The following RPRD1A variants were observed in gnomAD, a reference collection of about 807,000 sequenced individuals.
RPRD1A encodes the protein regulation of nuclear pre-mRNA domain-containing protein 1A.
Under a neutral mutation model 37.8 loss-of-function variants are expected in RPRD1A, and 9 were observed. The ratio of observed to expected loss-of-function variants is 0.24; its 90% CI spans 0.14 to 0.42. RPRD1A has a LOEUF of 0.42. Among genes scored for constraint, RPRD1A ranks in the 10% least tolerant of loss-of-function variants. RPRD1A has a pLI of 1.00. For synonymous variants in RPRD1A, 138 were observed against 139.7 expected (o/e 0.99, Z 0.08); for missense variants, 255 against 371.0 (o/e 0.69, Z 2.57).
At chr18:36,008,573 G>GTATATATA (rs1339247337) in intron 6 of RPRD1A, among the ~76,000 whole-genome samples, 3 of 36,632 alleles carry the variant, frequency 8.2e-5, no homozygotes, top group African/African-American at 3.7e-4. Context: ...AAGACCTTGT[G>GTATATATA]TGTGTATATA....
chr18:36,014,676 G>A (rs1242776268), intron 6 of RPRD1A, among the ~76,000 whole-genome samples: 1 of 152,182 alleles, frequency 6.6e-6, no homozygotes, highest in Non-Finnish European at 1.5e-5. Context: ...CTGGGAGGCA[G>A]AGCTTGCAGT....
intron 4 of RPRD1A, among the ~76,000 whole-genome samples, chr18:36,030,569 T>C (rs1911704080): frequency 2.0e-5 from 3 of 151,834 alleles, no homozygotes; most frequent in South Asian, 4.1e-4. Context: ...CTAACCATAT[T>C]TGGCAATTAA....
chr18:36,062,447 G>C (rs551336222), intron 1 of RPRD1A, among the ~76,000 whole-genome samples: 55 of 146,150 alleles, frequency 3.8e-4, no homozygotes, highest in African/African-American at 1.4e-3. Context: ...AAGTATCCAA[G>C]ATGAAAACAT....
chr18:36,008,566 AC>A (rs1909913036), intron 6 of RPRD1A, among the ~76,000 whole-genome samples: 6 of 2,588 alleles, frequency 2.3e-3, no homozygotes, highest in Non-Finnish European at 8.5e-3. Flanking sequence ...ACACAGCAAG[AC>A]CTTGTGTGTG....
chr18:36,002,679 T>TA (rs1420716312), intron 6 of RPRD1A, among the ~76,000 whole-genome samples: 2 of 152,250 alleles, frequency 1.3e-5, no homozygotes, highest in Non-Finnish European at 2.9e-5. Context: ...TTTAAATTCT[T>TA]AGTCTCATCA....
At chr18:36,026,171 C>A (rs1472864001) in intron 6 of RPRD1A, 2 of 152,428 alleles carry the variant, frequency 1.3e-5, no homozygotes, top group East Asian at 3.8e-4. Flanking sequence ...AGTGAGCTTT[C>A]TGTAAATAAA....
chr18:36,007,724 G>C (rs1337056236), intron 6 of RPRD1A, among the ~76,000 whole-genome samples: 3 of 152,082 alleles, frequency 2.0e-5, no homozygotes, highest in African/African-American at 7.2e-5. Context: ...CGGATCACGA[G>C]GTCAAGAGAT....
intron 1 of RPRD1A, among the ~76,000 whole-genome samples, chr18:36,056,401 C>T (rs1429549069): frequency 6.6e-6 from 1 of 151,950 alleles, no homozygotes; most frequent in Non-Finnish European, 1.5e-5. Flanking sequence ...GATTCTCCTG[C>T]CTCAGCCTCC....
At position 36,024,512 on chromosome 18, in the gene RPRD1A, T is replaced by C. The variant is rs573329358; in HGVS notation, c.789+2388A>G. On this transcript the variant is annotated intron_variant, in intron 6 of 6. Transcript: ENST00000399022. ...CTATAGTCAGAAGTTTCAAAAATAA[T>C]GATTGTCTTAAAACACAAATTTTAA... Among the ~76,000 whole-genome samples, 5 of 152,234 alleles carry C rather than the reference T, an allele frequency of 3.3e-5. No individual in the cohort carries two copies. The South Asian group carries it at 6.2e-4, about 19-fold the overall frequency.
Position 36,058,954 on chromosome 18 carries a change from G to A in RPRD1A, c.151+8300C>T, listed in dbSNP as rs1028551357. ...AGATCTTATAAAGATCTGGAAAAAT[G>A]TAAAATAATCACTCCTTTCCCTGGT... On this transcript the variant is annotated intron_variant, in intron 1 of 6. Transcript: ENST00000399022. 2.0e-5 allele frequency among the ~76,000 whole-genome samples: 3 copies of A among 152,126 alleles called. No individual in the cohort carries two copies. The East Asian group carries it at 5.8e-4, about 29-fold the overall frequency.
chr18:36,039,049 G>C (rs1009883910), intron 1 of RPRD1A, among the ~76,000 whole-genome samples: 1 of 152,208 alleles, frequency 6.6e-6, no homozygotes, highest in Non-Finnish European at 1.5e-5. Context: ...GCTAGAATGA[G>C]TTAAGACTCT....
rs1340918987 is a variant in RPRD1A at position 36,047,067 on chromosome 18, A to C, written c.152-13230T>G. 3.3e-5 allele frequency among the ~76,000 whole-genome samples: 5 copies of C among 151,922 alleles called. No individual in the cohort carries two copies. In the East Asian group the frequency reaches 5.8e-4, roughly 18 times the overall value. On this transcript the variant is annotated intron_variant, in intron 1 of 6. Coordinates refer to ENST00000399022, the MANE Select transcript of RPRD1A (RefSeq NM_018170.5). ...CCCATCTCTACAAAAATAAAAATTAAAAAATTAGACAGGCATGGTGGCTCA... is the reference window on the plus strand; with the variant it reads ...CCCATCTCTACAAAAATAAAAATTACAAAATTAGACAGGCATGGTGGCTCA...
chr18:36,060,774 G>T (rs2144419503), intron 1 of RPRD1A, among the ~76,000 whole-genome samples: 1 of 152,176 alleles, frequency 6.6e-6, no homozygotes, highest in South Asian at 2.1e-4. Context: ...TTCAACAAAT[G>T]ATTACAAATA....
chr18:36,026,772 C>T (rs1309790877), intron 6 of RPRD1A, 128 bp downstream of exon 6: 2 of 668,230 alleles, frequency 3.0e-6, no homozygotes, highest in Non-Finnish European at 4.7e-6. Context: ...GAGAAGCTTA[C>T]CTGGGCTACT....
At chr18:36,033,318 AAAAAAAAG>A (rs1313724765) in intron 2 of RPRD1A, among the ~76,000 whole-genome samples, 2 of 151,292 alleles carry the variant, frequency 1.3e-5, no homozygotes, top group African/African-American at 4.8e-5. Flanking sequence ...AAAAAAAAAA[AAAAAAAAG>A]AATAGAAACA....
intron 6 of RPRD1A, among the ~76,000 whole-genome samples, chr18:35,994,980 C>T (rs1908938666): frequency 6.6e-6 from 1 of 152,150 alleles, no homozygotes; most frequent in Non-Finnish European, 1.5e-5. Context: ...GCATGACCCT[C>T]GTCCCTCTCC....
chr18:36,051,508 A>G (rs1913391870), intron 1 of RPRD1A, among the ~76,000 whole-genome samples: 2 of 152,172 alleles, frequency 1.3e-5, no homozygotes, highest in Non-Finnish European at 2.9e-5. Flanking sequence ...ACTAGTTCTA[A>G]AAGAAAAAAA....
intron 6 of RPRD1A, among the ~76,000 whole-genome samples, chr18:36,005,125 C>A (rs1355580412): frequency 6.6e-6 from 1 of 151,974 alleles, no homozygotes; most frequent in Non-Finnish European, 1.5e-5. Context: ...CACGGTGAAA[C>A]CCCGTCTCCG....
At chr18:36,045,448 T>C (rs938830960) in intron 1 of RPRD1A, among the ~76,000 whole-genome samples, 4 of 152,194 alleles carry the variant, frequency 2.6e-5, no homozygotes, top group African/African-American at 9.6e-5. Flanking sequence ...TACTGGTCAC[T>C]GCTTACATAG....
Sources: allele counts gnomAD v4.1 joint callset (sites outside exome capture counted in the v4.1 genomes callset), GRCh38; gene constraint gnomAD v4.1.1; transcripts MANE v1.5; gene names NCBI Gene and HGNC (gene_info 2026-07-23, HGNC 2026-07-21).